The following AGBL1 variants were observed in gnomAD, a reference collection of about 807,000 sequenced individuals.
AGBL1 encodes the protein AGBL carboxypeptidase 1.
AGBL1 carries 130 observed loss-of-function variants against 118.9 expected under a neutral mutation model. The observed-to-expected ratio is 1.09, with a 90% CI of 0.95 to 1.26. The LOEUF (loss-of-function observed/expected upper bound fraction) is 1.26, where lower values mean the gene tolerates loss of function less well. Ranked by LOEUF, AGBL1 falls within the 50% of genes most tolerant of loss-of-function variation. The pLI, the probability that AGBL1 is intolerant of heterozygous loss-of-function variation, is 0.00. For missense variants in AGBL1, 1,584 were observed against 1,298.1 expected, an observed-to-expected ratio of 1.22 and a Z score of -3.38; for synonymous variants, 555 against 478.9, an observed-to-expected ratio of 1.16 and a Z score of -2.08.
intron 22 of AGBL1, among the ~76,000 whole-genome samples, chr15:86,750,852 C>T (rs1286180761): frequency 1.3e-5 from 2 of 151,938 alleles, no homozygotes; most frequent in Admixed American, 6.6e-5. Context: ...CATGTGTTCT[C>T]ATCATTTAGC....
At chr15:86,934,226 C>G (rs2080639101) in intron 23 of AGBL1, among the ~76,000 whole-genome samples, 1 of 152,162 alleles carries the variant, frequency 6.6e-6, no homozygotes, top group Non-Finnish European at 1.5e-5. Context: ...TGTTCTGCAG[C>G]TTGTGAGTGC....
chr15:86,467,035 G>T (rs981249685), intron 18 of AGBL1, among the ~76,000 whole-genome samples: 1 of 152,232 alleles, frequency 6.6e-6, no homozygotes, highest in African/African-American at 2.4e-5. Flanking sequence ...CAGAACCCGC[G>T]TGCAGGAACA....
chr15:86,303,375 G>A (rs1487728797), intron 17 of AGBL1, among the ~76,000 whole-genome samples: 2 of 152,110 alleles, frequency 1.3e-5, no homozygotes, highest in African/African-American at 2.4e-5. Context: ...TTTAAGAGAT[G>A]TGTCTCAGAA....
chr15:86,609,661 T>G (rs2084631015), intron 21 of AGBL1, among the ~76,000 whole-genome samples: 1 of 152,200 alleles, frequency 6.6e-6, no homozygotes, highest in East Asian at 1.9e-4. Context: ...CCATTTATTC[T>G]AACAAATAAC....
At chr15:86,429,555 C>T (rs2081910026) in intron 18 of AGBL1, among the ~76,000 whole-genome samples, 1 of 152,202 alleles carries the variant, frequency 6.6e-6, no homozygotes, top group South Asian at 2.1e-4. Context: ...GCAAGTGTTG[C>T]ACAAATGCCT....
At chr15:87,018,180 G>T (rs139897040) in intron 24 of AGBL1, among the ~76,000 whole-genome samples, 25 of 144,212 alleles carry the variant, frequency 1.7e-4, no homozygotes, top group African/African-American at 7.1e-4. Flanking sequence ...ATGGAACCAA[G>T]TTGGAAAACA....
chr15:86,275,425 T>A (rs111780567), intron 15 of AGBL1, among the ~76,000 whole-genome samples: 1 of 152,154 alleles, frequency 6.6e-6, no homozygotes, highest in Admixed American at 6.6e-5. Context: ...CCTTATTAGA[T>A]CCTGTTAAAT....
chr15:86,736,188 C>T (rs1314385224), intron 22 of AGBL1, among the ~76,000 whole-genome samples: 3 of 152,238 alleles, frequency 2.0e-5, no homozygotes, highest in African/African-American at 7.2e-5. Context: ...CAAGACCATC[C>T]TGTCCAATAT....
chr15:86,894,443 T>A (rs893874281), intron 22 of AGBL1, among the ~76,000 whole-genome samples: 5 of 152,156 alleles, frequency 3.3e-5, no homozygotes, highest in Admixed American at 2.0e-4. Flanking sequence ...CTGCATGACG[T>A]TGGAGCTTTA....
intron 24 of AGBL1, among the ~76,000 whole-genome samples, chr15:87,016,522 T>A (rs2081609362): frequency 6.6e-6 from 1 of 152,110 alleles, no homozygotes; most frequent in Admixed American, 6.6e-5. Flanking sequence ...CTGAGGACAT[T>A]ATAAAAGAAA....
intron 22 of AGBL1, among the ~76,000 whole-genome samples, chr15:86,791,728 T>A (rs199809892): frequency 0.019 from 2,756 of 142,828 alleles, 47 homozygotes; most frequent in Middle Eastern, 0.05. Flanking sequence ...TCCTTGTTTT[T>A]TATATATATA....
At chr15:86,152,440 G>A (rs1424498486) in intron 3 of AGBL1, among the ~76,000 whole-genome samples, 1 of 152,196 alleles carries the variant, frequency 6.6e-6, no homozygotes, top group Non-Finnish European at 1.5e-5. Context: ...AATAAATGTT[G>A]CTGGGAAAAC....
intron 15 of AGBL1, among the ~76,000 whole-genome samples, chr15:86,275,522 C>A (rs2079236866): frequency 6.6e-6 from 1 of 152,164 alleles, no homozygotes; most frequent in South Asian, 2.1e-4. Flanking sequence ...TTATTTTATG[C>A]ACCCTGCTGA....
intron 21 of AGBL1, among the ~76,000 whole-genome samples, chr15:86,646,273 C>T (rs946853295): frequency 2.6e-5 from 4 of 152,216 alleles, no homozygotes; most frequent in African/African-American, 4.8e-5. Context: ...ATTTGCACGG[C>T]GGCAGTAACA....
chr15:86,804,344 G>T (rs527330170), intron 22 of AGBL1, among the ~76,000 whole-genome samples: 31 of 152,212 alleles, frequency 2.0e-4, no homozygotes, highest in African/African-American at 7.2e-4. Flanking sequence ...TGAGAAATTT[G>T]GGTTCTTAAA....
chr15:86,571,861 A>T (rs553621086), intron 21 of AGBL1, among the ~76,000 whole-genome samples: 11 of 152,180 alleles, frequency 7.2e-5, no homozygotes, highest in Non-Finnish European at 1.3e-4. Flanking sequence ...GGGCTTCACT[A>T]GGGACCTGCC....
At chr15:86,130,472 G>A (rs1180689227) in intron 1 of AGBL1, among the ~76,000 whole-genome samples, 1 of 152,010 alleles carries the variant, frequency 6.6e-6, no homozygotes, top group Admixed American at 6.6e-5. Context: ...AAGCAAGTGG[G>A]GTCCAGGGAA....
At chr15:86,496,008 CT>C (rs978008183) in intron 18 of AGBL1, among the ~76,000 whole-genome samples, 2 of 151,420 alleles carry the variant, frequency 1.3e-5, no homozygotes, top group African/African-American at 4.9e-5. Flanking sequence ...CCTATTGAGT[CT>C]TTTTTTTAAA....
At chr15:86,204,509 TCCCCTTCC>T (rs112321562) in intron 5 of AGBL1, among the ~76,000 whole-genome samples, 3,174 of 126,212 alleles carry the variant, frequency 0.025, 70 homozygotes, top group African/African-American at 0.065. Context: ...CCCTTCCCCT[TCCCCTTCC>T]CCTTCCTTCC....
Sources: gnomAD v4.1 joint callset for allele counts (sites outside exome capture counted in the v4.1 genomes callset) on GRCh38, gnomAD v4.1.1 for gene constraint, MANE v1.5 for transcripts, NCBI Gene and HGNC (gene_info 2026-07-23, HGNC 2026-07-21) for gene names.